NCAM2: variants seen among roughly 807,000 people sequenced by gnomAD.
The protein encoded by NCAM2 is N-CAM-2.
Under a neutral mutation model 98.1 loss-of-function variants are expected in NCAM2, and 30 were observed. The observed-to-expected ratio is 0.31, with a 90% CI of 0.23 to 0.41. NCAM2 has a LOEUF of 0.41. Ranked by LOEUF, NCAM2 falls within the 10% of genes least tolerant of loss-of-function variation. The probability of loss-of-function intolerance (pLI) is 1.00; values close to 1 mark genes in which losing one functional copy is unlikely to be tolerated. For missense variants in NCAM2, 867 were observed against 1,005.8 expected, an observed-to-expected ratio of 0.86 and a Z score of 1.87; for synonymous variants, 368 against 342.4, an observed-to-expected ratio of 1.07 and a Z score of -0.83.
At chr21:21,089,420 G>A (rs2065968853) in intron 1 of NCAM2, among the ~76,000 whole-genome samples, 1 of 151,986 alleles carries the variant, frequency 6.6e-6, no homozygotes. Context: ...GCTATTAGTG[G>A]CAATCAAACC....
At chr21:21,020,113 TGCTA>T (rs1263106995) in intron 1 of NCAM2, among the ~76,000 whole-genome samples, 2 of 152,136 alleles carry the variant, frequency 1.3e-5, no homozygotes, top group Non-Finnish European at 2.9e-5. Context: ...CTAAGTTCAC[TGCTA>T]CCTCTGCCTC....
intron 12 of NCAM2, among the ~76,000 whole-genome samples, chr21:21,464,107 A>G (rs941756239): frequency 6.6e-6 from 1 of 152,114 alleles, no homozygotes; most frequent in South Asian, 2.1e-4. Context: ...TGTATTAAGA[A>G]ATACAATTGA....
At chr21:21,131,484 G>C (rs1428234440) in intron 1 of NCAM2, among the ~76,000 whole-genome samples, 1 of 152,084 alleles carries the variant, frequency 6.6e-6, no homozygotes, top group Non-Finnish European at 1.5e-5. Context: ...TGTTGGTCAG[G>C]CTGGTCTCAA....
intron 17 of NCAM2, among the ~76,000 whole-genome samples, chr21:21,537,461 A>C (rs2146437043): frequency 6.6e-6 from 1 of 152,264 alleles, no homozygotes; most frequent in South Asian, 2.1e-4. Flanking sequence ...TTGGCATTTT[A>C]CCTTCCATAA....
chr21:21,306,647 A>G (rs948153125), intron 5 of NCAM2, among the ~76,000 whole-genome samples: 1 of 152,146 alleles, frequency 6.6e-6, no homozygotes, highest in African/African-American at 2.4e-5. Context: ...GCACATTCAC[A>G]TGAGAATGGG....
Position 21,413,477 on chromosome 21 carries a change from A to G in NCAM2, c.1383+3016A>G, listed in dbSNP as rs1602264711. Reference sequence around the variant, plus strand: ...TCCAAACCTAATATCATTAATTAATATCAGCATTTTTAGCTGGATACAGAT... The same window carrying G: ...TCCAAACCTAATATCATTAATTAATGTCAGCATTTTTAGCTGGATACAGAT... On this transcript the variant is annotated intron_variant, in intron 10 of 17. Coordinates refer to ENST00000400546, the MANE Select transcript of NCAM2 (RefSeq NM_004540.5). Among the ~76,000 whole-genome samples the G allele has an allele frequency of 2.6e-5, 4 of 152,328 alleles. No homozygotes were observed. In the South Asian group the frequency reaches 8.3e-4, roughly 32 times the overall value.
At chr21:21,198,966 A>AT (rs2069110928) in intron 1 of NCAM2, among the ~76,000 whole-genome samples, 1 of 152,166 alleles carries the variant, frequency 6.6e-6, no homozygotes, top group African/African-American at 2.4e-5. Context: ...GAGCTCCTGT[A>AT]TGTAGGGTTA....
At chr21:21,087,761 C>G (rs1175267283) in intron 1 of NCAM2, among the ~76,000 whole-genome samples, 1 of 152,108 alleles carries the variant, frequency 6.6e-6, no homozygotes, top group East Asian at 1.9e-4. Flanking sequence ...AGATCCTGGT[C>G]TTGCAATTCA....
At chr21:21,107,549 T>G (rs2066373945) in intron 1 of NCAM2, among the ~76,000 whole-genome samples, 1 of 152,114 alleles carries the variant, frequency 6.6e-6, no homozygotes, top group East Asian at 1.9e-4. Flanking sequence ...GTTGCCAAAT[T>G]TCCTACTTAA....
chr21:21,140,673 A>G (rs1233119749), intron 1 of NCAM2, among the ~76,000 whole-genome samples: 1 of 152,136 alleles, frequency 6.6e-6, no homozygotes, highest in Admixed American at 6.5e-5. Context: ...GCTCATGAAG[A>G]GCTTATTCTT....
intron 1 of NCAM2, among the ~76,000 whole-genome samples, chr21:21,070,671 A>C (rs1448421896): frequency 1.3e-5 from 2 of 152,192 alleles, no homozygotes; most frequent in African/African-American, 2.4e-5. Context: ...ACTTTTAAAT[A>C]GGGAGATTAG....
intron 1 of NCAM2, among the ~76,000 whole-genome samples, chr21:21,031,110 T>C (rs2064672558): frequency 6.6e-6 from 1 of 152,188 alleles, no homozygotes; most frequent in African/African-American, 2.4e-5. Context: ...TTCCTTTTGA[T>C]TTTTAAATAA....
At chr21:21,319,698 T>C (rs2074322806) in intron 5 of NCAM2, among the ~76,000 whole-genome samples, 2 of 38,524 alleles carry the variant, frequency 5.2e-5, no homozygotes, top group Admixed American at 4.2e-4. Flanking sequence ...TAATTTTAGT[T>C]GCCTCTTATT....
intron 1 of NCAM2, among the ~76,000 whole-genome samples, chr21:21,030,698 T>C (rs923607907): frequency 2.0e-5 from 3 of 152,180 alleles, no homozygotes; most frequent in Admixed American, 1.3e-4. Flanking sequence ...AAATGAGTGG[T>C]ATTAAGGGAG....
chr21:21,231,190 A>T (rs1250506164), intron 1 of NCAM2, among the ~76,000 whole-genome samples: 1 of 151,276 alleles, frequency 6.6e-6, no homozygotes, highest in Non-Finnish European at 1.5e-5. Flanking sequence ...GAAGCTATAG[A>T]GCTGATTTAG....
chr21:21,272,387 C>T (rs1457036977), intron 1 of NCAM2, among the ~76,000 whole-genome samples: 1 of 152,102 alleles, frequency 6.6e-6, no homozygotes, highest in African/African-American at 2.4e-5. Context: ...TATGAGACTC[C>T]TTGGCCCTAC....
chr21:21,250,626 CAT>C (rs1206570022), intron 1 of NCAM2, among the ~76,000 whole-genome samples: 9 of 152,172 alleles, frequency 5.9e-5, no homozygotes, highest in Middle Eastern at 3.4e-3. Flanking sequence ...TCGCAGAAGT[CAT>C]ATGTTTTTTT....
At chr21:21,452,675 G>A (rs2408125) in intron 12 of NCAM2, among the ~76,000 whole-genome samples, 21,359 of 105,682 alleles carry the variant, frequency 0.2, 2,223 homozygotes, top group African/African-American at 0.26. Flanking sequence ...TATTTAATAT[G>A]TATTATATAT....
intron 12 of NCAM2, among the ~76,000 whole-genome samples, chr21:21,436,611 A>G (rs961083811): frequency 1.3e-5 from 2 of 152,068 alleles, no homozygotes; most frequent in Non-Finnish European, 2.9e-5. Flanking sequence ...TCATTGTTTC[A>G]AGTACCAAAA....
Sources: allele counts gnomAD v4.1 joint callset (sites outside exome capture counted in the v4.1 genomes callset), GRCh38; gene constraint gnomAD v4.1.1; transcripts MANE v1.5; gene names NCBI Gene and HGNC (gene_info 2026-07-23, HGNC 2026-07-21).